The following ATP9B variants were observed in gnomAD, a reference collection of about 807,000 sequenced individuals.
ATP9B encodes the protein probable phospholipid-transporting ATPase IIB.
In ATP9B, 110 loss-of-function variants were observed where a neutral mutation model predicts 146.1. The observed-to-expected ratio is 0.75, with a 90% CI of 0.65 to 0.88. The LOEUF (loss-of-function observed/expected upper bound fraction) is 0.88. ATP9B is among the 40% of genes least tolerant of loss of function. The pLI, the probability that ATP9B is intolerant of heterozygous loss-of-function variation, is 0.00. For synonymous variants in ATP9B, 604 were observed against 569.7 expected, an observed-to-expected ratio of 1.06 and a Z score of -0.86; for missense variants, 1,499 against 1,496.4, an observed-to-expected ratio of 1.00 and a Z score of -0.03.
At chr18:79,329,427 T>TA in intron 16 of ATP9B, 125 bp downstream of exon 16, 1 of 1,151,874 alleles carries the variant, frequency 8.7e-7, no homozygotes, top group Non-Finnish European at 1.2e-6. Flanking sequence ...TACAGTTTTG[T>TA]TTGTTTTTTT....
intron 8 of ATP9B, among the ~76,000 whole-genome samples, chr18:79,179,296 T>C (rs1046075883): frequency 6.6e-6 from 1 of 152,120 alleles, no homozygotes; most frequent in Non-Finnish European, 1.5e-5. Flanking sequence ...TAATTTCTGC[T>C]CTTTATTTCC....
At chr18:79,081,822 C>G (rs1204542889) in intron 1 of ATP9B, among the ~76,000 whole-genome samples, 2 of 151,798 alleles carry the variant, frequency 1.3e-5, no homozygotes, top group Admixed American at 6.6e-5. Context: ...CGACCTTTCT[C>G]TCTGGCTGCC....
rs1322798206 is a variant in ATP9B at position 79,193,182 on chromosome 18, G to C, written c.874-1G>C. ...ATCGATTCAAATGTTCTGTATTCCA[G>C]GACCTTTTTTCTATCAGTGCTTATG... On this transcript the variant is annotated splice_acceptor_variant, in intron 8 of 29. Transcript: ENST00000426216. LOFTEE classifies it high-confidence loss of function. 1 of 1,594,686 alleles carries C rather than the reference G, an allele frequency of 6.3e-7. No individual in the cohort carries two copies. Among genetic ancestry groups the C allele is most frequent in the Non-Finnish European group, 8.6e-7 (1 of 1,164,396 alleles).
chr18:79,135,912 G>A (rs118175578), intron 5 of ATP9B, among the ~76,000 whole-genome samples: 1 of 152,142 alleles, frequency 6.6e-6, no homozygotes, highest in East Asian at 1.9e-4. Context: ...TTTCTCTACT[G>A]CATTGCCTTT....
At chr18:79,220,421 C>T (rs1023890999) in intron 11 of ATP9B, among the ~76,000 whole-genome samples, 5 of 151,956 alleles carry the variant, frequency 3.3e-5, no homozygotes, top group African/African-American at 1.2e-4. Flanking sequence ...GGCAACATGG[C>T]AAAACCTGTC....
rs528675051 is a variant in ATP9B, at chr18:79,262,274, A to G, written c.1268+8733A>G. The stretch of plus-strand genomic sequence containing the variant: ...TTTGTTTAGAATTTTTTTTAAATAT[A>G]TTTTTCTTTAGGAAAAAAAATACTT... On this transcript the variant is annotated intron_variant, in intron 12 of 29. Coordinates refer to ENST00000426216, the MANE Select transcript of ATP9B (RefSeq NM_198531.5). 3.2e-3 allele frequency among the ~76,000 whole-genome samples: 485 copies of G among 151,924 alleles called. 4 individuals are homozygous for G. Among genetic ancestry groups the G allele is most frequent in the Admixed American group, 6.2e-3 (95 of 15,246 alleles).
chr18:79,190,487 A>C (rs1326408155), intron 8 of ATP9B, among the ~76,000 whole-genome samples: 1 of 149,900 alleles, frequency 6.7e-6, no homozygotes, highest in African/African-American at 2.5e-5. Context: ...ACATATCATA[A>C]ACTGTTCCAG....
At chr18:79,224,830 G>A (rs1001100551) in intron 11 of ATP9B, among the ~76,000 whole-genome samples, 1 of 152,114 alleles carries the variant, frequency 6.6e-6, no homozygotes, top group East Asian at 1.9e-4. Context: ...GGCAGGCCGT[G>A]TAGGGTGCTT....
intron 25 of ATP9B, among the ~76,000 whole-genome samples, chr18:79,358,989 T>C (rs1322521794): frequency 6.6e-6 from 1 of 151,858 alleles, no homozygotes; most frequent in African/African-American, 2.4e-5. Context: ...ATGCTGGTGG[T>C]GAGGTTCACA....
At chr18:79,176,679 G>A in intron 7 of ATP9B, 134 bp from the exon 8 acceptor site, 2 of 678,672 alleles carry the variant, frequency 2.9e-6, no homozygotes, top group Admixed American at 3.2e-5. Context: ...AAGGAGTTTT[G>A]TTCCTGGGAA....
At chr18:79,161,840 C>T (rs997005147) in intron 7 of ATP9B, among the ~76,000 whole-genome samples, 4 of 151,394 alleles carry the variant, frequency 2.6e-5, no homozygotes, top group African/African-American at 9.7e-5. Flanking sequence ...AGCGAGACTC[C>T]GTCTCAAAAA....
chr18:79,157,396 C>CAAAAAAAAA (rs147316668), intron 7 of ATP9B, among the ~76,000 whole-genome samples: 7 of 48,588 alleles, frequency 1.4e-4, no homozygotes, highest in African/African-American at 4.0e-4. Context: ...AACTCCATCT[C>CAAAAAAAAA]AAAAAAAAAA....
chr18:79,375,263 A>G, intron 28 of ATP9B, 131 bp from the exon 29 acceptor site: 1 of 772,708 alleles, frequency 1.3e-6, no homozygotes, highest in East Asian at 2.6e-5. Flanking sequence ...TTAAAACCAC[A>G]TTGAAAACGC....
chr18:79,360,967 T>C (rs1327629219), intron 26 of ATP9B: 1 of 152,242 alleles, frequency 6.6e-6, no homozygotes, highest in Non-Finnish European at 1.5e-5. Flanking sequence ...TAGTAGCATA[T>C]GCATTTCCTC....
intron 11 of ATP9B, among the ~76,000 whole-genome samples, chr18:79,225,651 G>T (rs912968640): frequency 6.7e-6 from 1 of 148,714 alleles, no homozygotes; most frequent in African/African-American, 2.5e-5. Context: ...TCCCGCAGTC[G>T]CAGGGCGGCC....
intron 1 of ATP9B, among the ~76,000 whole-genome samples, chr18:79,088,584 CA>C (rs1157848053): frequency 6.6e-6 from 1 of 152,106 alleles, no homozygotes; most frequent in Admixed American, 6.5e-5. Context: ...GACACTAAAG[CA>C]AGTAACATTT....
At chr18:79,349,905 C>G (rs920503289) in intron 25 of ATP9B, among the ~76,000 whole-genome samples, 8 of 120,684 alleles carry the variant, frequency 6.6e-5, no homozygotes, top group African/African-American at 2.5e-4. Context: ...CCCCCCCCCC[C>G]ACCATGCACC....
At chr18:79,168,413 C>G (rs1370727471) in intron 7 of ATP9B, among the ~76,000 whole-genome samples, 10 of 148,528 alleles carry the variant, frequency 6.7e-5, no homozygotes, top group South Asian at 2.1e-4. Context: ...ATTGTAGTTG[C>G]AACTGTTCAG....
chr18:79,184,015 A>G (rs1224137573), intron 8 of ATP9B, among the ~76,000 whole-genome samples: 1 of 152,120 alleles, frequency 6.6e-6, no homozygotes, highest in Non-Finnish European at 1.5e-5. Context: ...GCCTTATAAT[A>G]TCTTCGCTAT....
Sources: gnomAD v4.1 joint callset for allele counts (sites outside exome capture counted in the v4.1 genomes callset) on GRCh38, gnomAD v4.1.1 for gene constraint, MANE v1.5 for transcripts, NCBI Gene and HGNC (gene_info 2026-07-23, HGNC 2026-07-21) for gene names.